The following ANXA2 variants were observed in gnomAD, a reference collection of about 807,000 sequenced individuals.
ANXA2 encodes annexin A2.
In ANXA2, 28 loss-of-function variants were observed where a neutral mutation model predicts 47.3. That is an observed-to-expected ratio of 0.59 (90% CI 0.44 to 0.81). The LOEUF is 0.81. ANXA2 is among the 40% of genes least tolerant of loss of function. The probability of loss-of-function intolerance (pLI) is 0.00; values close to 1 mark genes in which losing one functional copy is unlikely to be tolerated. For synonymous variants in ANXA2, 172 were observed against 155.5 expected, an observed-to-expected ratio of 1.11 and a Z score of -0.79; for missense variants, 384 against 414.3, an observed-to-expected ratio of 0.93 and a Z score of 0.64.
intron 1 of ANXA2, chr15:60,390,654 A>G: frequency 3.8e-6 from 1 of 263,540 alleles, no homozygotes; most frequent in Non-Finnish European, 7.5e-6. Context: ...GGAGATAACA[A>G]AAGAAAGGGC....
intron 4 of ANXA2, among the ~76,000 whole-genome samples, chr15:60,361,792 G>A (rs1417735792): frequency 1.3e-5 from 2 of 152,128 alleles, no homozygotes; most frequent in African/African-American, 2.4e-5. Context: ...ACCCATGTAT[G>A]TAGACAGACA....
chr15:60,359,109 T>C (rs1234262933), intron 5 of ANXA2, among the ~76,000 whole-genome samples: 1 of 152,134 alleles, frequency 6.6e-6, no homozygotes, highest in African/African-American at 2.4e-5. Context: ...TCAGTTAATG[T>C]CACTTCAAGC....
chr15:60,363,497 G>A (rs1434486371), intron 4 of ANXA2, among the ~76,000 whole-genome samples: 4 of 152,114 alleles, frequency 2.6e-5, no homozygotes, highest in Non-Finnish European at 5.9e-5. Context: ...AAGTCAAACG[G>A]GAGCTGCAGG....
In ANXA2 at chr15:60,352,345, G is replaced by A; in HGVS notation, c.682+38C>T. 2 of 1,493,846 alleles carry A rather than the reference G, an allele frequency of 1.3e-6. No homozygotes were observed. Among genetic ancestry groups the A allele is most frequent in the Non-Finnish European group, 9.3e-7 (1 of 1,078,060 alleles). The allele number at this position is 1,493,846 out of a possible 1,614,324, so 92.5% of individuals were successfully genotyped here. A position where few individuals can be genotyped will look rare whatever the true frequency, so the allele number is the denominator to read the frequency against. ...CATCCACCCAGCCGCCCCAGCCAGG[G>A]CCCCAAGGCACTGAGACTCCCTCAG... is the stretch of plus-strand genomic sequence containing the variant. On this transcript the variant is annotated intron_variant, in intron 9 of 12. Transcript: ENST00000451270. This position sits in a 1 kb window ranked among gnomAD's most constrained non-coding sequence, Gnocchi z 4.2.
intron 1 of ANXA2, among the ~76,000 whole-genome samples, chr15:60,388,471 G>A (rs1487792995): frequency 6.6e-6 from 1 of 151,210 alleles, no homozygotes; most frequent in South Asian, 2.1e-4. Context: ...CTGAGATTAC[G>A]GGCATAAACC....
At chr15:60,372,559 AT>A (rs2062724174) in intron 3 of ANXA2, among the ~76,000 whole-genome samples, 1 of 152,080 alleles carries the variant, frequency 6.6e-6, no homozygotes, top group South Asian at 2.1e-4. Flanking sequence ...CTTACTACTG[AT>A]TTGGGCATAC....
At position 60,352,325 on chromosome 15, in the gene ANXA2, A is replaced by ACCCAGCCGC. The variant is rs1363949398; in HGVS notation, c.682+49_682+57dup. 7.8e-7 allele frequency: 1 copy of ACCCAGCCGC among 1,274,536 alleles called. No homozygotes were observed. Among genetic ancestry groups the ACCCAGCCGC allele is most frequent in the Non-Finnish European group, 1.1e-6 (1 of 886,698 alleles). 79.0% of individuals were successfully genotyped at this position (1,274,536 alleles called of 1,614,324 possible). ...AGACTCCATCCCAACATGGACATCCACCCAGCCGCCCCAGCCAGGGCCCCA... is the reference window on the plus strand; with the variant it reads ...AGACTCCATCCCAACATGGACATCCACCCAGCCGCCCCAGCCGCCCCAGCCAGGGCCCCA... On this transcript the variant is annotated intron_variant, in intron 9 of 12. Transcript: ENST00000451270. The surrounding 1 kb of genome is among the most constrained non-coding windows in gnomAD (Gnocchi z 4.2).
At chr15:60,383,612 G>A (rs1423343309) in intron 2 of ANXA2, 1 of 152,220 alleles carries the variant, frequency 6.6e-6, no homozygotes, top group Non-Finnish European at 1.5e-5. Context: ...CCAAAGCTAA[G>A]GGCAGACAAA....
chr15:60,380,695 T>A (rs1400830719), intron 3 of ANXA2, among the ~76,000 whole-genome samples: 1 of 145,692 alleles, frequency 6.9e-6, no homozygotes, highest in Non-Finnish European at 1.5e-5. Flanking sequence ...TCCCAGCTAT[T>A]AGGGAGGCTG....
intron 3 of ANXA2, among the ~76,000 whole-genome samples, chr15:60,377,663 G>A (rs896848426): frequency 6.6e-6 from 1 of 152,142 alleles, no homozygotes; most frequent in Non-Finnish European, 1.5e-5. Flanking sequence ...CAGAGACAAA[G>A]TGAATAGCAT....
intron 2 of ANXA2, chr15:60,383,991 T>G (rs1165348266): frequency 6.6e-6 from 1 of 152,242 alleles, no homozygotes; most frequent in Non-Finnish European, 1.5e-5. Flanking sequence ...TTGTGAGGAC[T>G]ATCTTGGCCA....
chr15:60,368,072 G>A (rs1204437195), intron 3 of ANXA2, among the ~76,000 whole-genome samples: 4 of 136,308 alleles, frequency 2.9e-5, no homozygotes, highest in Non-Finnish European at 6.2e-5. Context: ...TGGATTAAGG[G>A]CGGTGCAAGA....
chr15:60,359,903 G>T (rs936103451), intron 5 of ANXA2, among the ~76,000 whole-genome samples: 3 of 152,186 alleles, frequency 2.0e-5, no homozygotes, highest in Non-Finnish European at 4.4e-5. Context: ...CTAAGAAAAG[G>T]GTCCAAATGT....
rs144031477 is a variant in ANXA2 at position 60,379,818 on chromosome 15, G to C, written c.148+2524C>G. Among the ~76,000 whole-genome samples, 273 of 152,270 alleles carry C rather than the reference G, an allele frequency of 1.8e-3. 1 individual carries two copies. The highest frequency in any genetic ancestry group is 0.01 in the Middle Eastern group (3 of 294). On this transcript the variant is annotated intron_variant, in intron 3 of 12. Coordinates refer to ENST00000451270, the MANE Select transcript of ANXA2 (RefSeq NM_004039.3). ...GAATCTAAATCTTAGCCCTCCAGACGTTTCTGTCTAAAAACTACAGTATTT... is the reference window on the plus strand; with the variant it reads ...GAATCTAAATCTTAGCCCTCCAGACCTTTCTGTCTAAAAACTACAGTATTT...
chr15:60,352,494 C>G lies in ANXA2; in HGVS notation c.589-18G>C. The G allele has an allele frequency of 6.3e-6, 10 of 1,586,476 alleles. No individual in the cohort carries two copies. The highest frequency in any genetic ancestry group is 1.7e-5 in the Admixed American group (1 of 58,726). On this transcript the variant is annotated intron_variant, in intron 8 of 12. Coordinates refer to ENST00000451270, the MANE Select transcript of ANXA2 (RefSeq NM_004039.3). The surrounding 1 kb of genome is among the most constrained non-coding windows in gnomAD (Gnocchi z 4.2). ...TAGAGATCCTACGAGTACAACCAAC[C>G]AGGAAAAGTTAACTACACATCCAAT...
At chr15:60,354,634 A>AAG (rs1555399843) in intron 7 of ANXA2, among the ~76,000 whole-genome samples, 5 of 150,828 alleles carry the variant, frequency 3.3e-5, no homozygotes, top group African/African-American at 7.3e-5. Flanking sequence ...AAAAAAAAAA[A>AAG]AAAGAAAGAA....
intron 5 of ANXA2, 64 bp downstream of exon 5, chr15:60,360,877 A>G (rs994502050): frequency 1.9e-6 from 2 of 1,051,532 alleles, no homozygotes; most frequent in African/African-American, 3.1e-5. Context: ...AATTACACTC[A>G]GAAAGCTGTA....
chr15:60,359,485 T>A (rs2062480238), intron 5 of ANXA2, among the ~76,000 whole-genome samples: 1 of 152,228 alleles, frequency 6.6e-6, no homozygotes, highest in Admixed American at 6.5e-5. Flanking sequence ...TTATCATTCT[T>A]AATGACGTCT....
At chr15:60,367,708 C>T (rs7178100) in intron 3 of ANXA2, among the ~76,000 whole-genome samples, 4 of 112,116 alleles carry the variant, frequency 3.6e-5, no homozygotes, top group Non-Finnish European at 7.3e-5. Context: ...AGCCCCCGCC[C>T]GGCCAGCCGC....
Sources: gnomAD v4.1 joint callset for allele counts (sites outside exome capture counted in the v4.1 genomes callset) on GRCh38, gnomAD v4.1.1 for gene constraint, Gnocchi (gnomAD v3.1) non-coding constraint, MANE v1.5 for transcripts, NCBI Gene and HGNC (gene_info 2026-07-23, HGNC 2026-07-21) for gene names.